Variants in DLC1 observed in about 807,000 individuals in gnomAD.
DLC1 encodes rho GTPase-activating protein 7.
A neutral mutation model predicts 140.3 loss-of-function variants in DLC1; 54 were observed. The ratio of observed to expected loss-of-function variants is 0.38; its 90% CI spans 0.31 to 0.48. The LOEUF is 0.48. Among genes scored for constraint, DLC1 ranks in the 20% least tolerant of loss-of-function variants. DLC1 has a pLI of 0.96. For synonymous variants in DLC1, 986 were observed against 728.1 expected, an observed-to-expected ratio of 1.35 and a Z score of -5.70; for missense variants, 2,536 against 1,907.0, an observed-to-expected ratio of 1.33 and a Z score of -6.14.
intron 15 of DLC1, 71 bp from the exon 16 acceptor site, chr8:13,088,775 G>C: frequency 7.3e-7 from 1 of 1,366,562 alleles, no homozygotes; most frequent in South Asian, 1.2e-5. Context: ...CGAATTGTTA[G>C]TTAGACTAAC....
chr8:13,122,802 G>GAAA (rs34886200), intron 5 of DLC1, among the ~76,000 whole-genome samples: 1,605 of 120,640 alleles, frequency 0.013, 45 homozygotes, highest in African/African-American at 0.042. Context: ...TGCATAGTCT[G>GAAA]AAAAAAAAAA....
chr8:13,520,439 C>A (rs1006292584), intron 1 of DLC1, among the ~76,000 whole-genome samples: 1 of 151,714 alleles, frequency 6.6e-6, no homozygotes, highest in Admixed American at 6.6e-5. Context: ...CTCACGGACA[C>A]AGGGAGGGGA....
intron 5 of DLC1, among the ~76,000 whole-genome samples, chr8:13,191,020 G>C (rs988139970): frequency 2.0e-5 from 3 of 151,650 alleles, no homozygotes; most frequent in African/African-American, 7.3e-5. Context: ...TTATATTGGG[G>C]GTGAGATAGA....
intron 4 of DLC1, among the ~76,000 whole-genome samples, chr8:13,377,879 C>T (rs1836073189): frequency 6.6e-6 from 1 of 151,364 alleles, no homozygotes; most frequent in Admixed American, 6.6e-5. Context: ...ATAATTTGAC[C>T]AGAAGATGGC....
At chr8:13,166,513 G>A (rs1251964236) in intron 5 of DLC1, among the ~76,000 whole-genome samples, 2 of 151,970 alleles carry the variant, frequency 1.3e-5, no homozygotes, top group East Asian at 3.9e-4. Flanking sequence ...GCTAATTTTT[G>A]CATTTTTAGT....
chr8:13,570,247 G>C, intron 1 of DLC1, among the ~76,000 whole-genome samples: 1 of 150,266 alleles, frequency 6.7e-6, no homozygotes, highest in South Asian at 2.1e-4. Context: ...GAGCTCTTTT[G>C]TGTCACTATG....
chr8:13,580,954 T>A (rs1805072772), intron 1 of DLC1, among the ~76,000 whole-genome samples: 1 of 152,198 alleles, frequency 6.6e-6, no homozygotes, highest in Non-Finnish European at 1.5e-5. Flanking sequence ...GATTTGAGCT[T>A]CCCACCAGTA....
rs939401988 is a variant in DLC1, at chr8:13,100,549, G to T, written c.1788C>A (p.Ser596Arg). 3 of 1,613,194 alleles carry T rather than the reference G, an allele frequency of 1.9e-6. No homozygotes were observed. The highest frequency in any genetic ancestry group is 2.7e-5 in the African/African-American group (2 of 75,050). ...TGGGGAGGCTGCCAGTGCTGCTGAGGCTGCGGACGGAAGACACCTCCTGGC... is the reference window on the plus strand; with the variant it reads ...TGGGGAGGCTGCCAGTGCTGCTGAGTCTGCGGACGGAAGACACCTCCTGGC... The part of the protein sequence containing the change: ...SERQEVSSVR[S>R]LSSTGSLPSH... Residue 596 changes from serine to arginine, a missense_variant, in exon 9 of 18, where the codon AGC becomes AGA. Coordinates refer to ENST00000276297, the MANE Select transcript of DLC1 (RefSeq NM_182643.3).
At chr8:13,116,124 G>A in intron 5 of DLC1, 1 of 983,400 alleles carries the variant, frequency 1.0e-6, no homozygotes, top group East Asian at 1.1e-4. Context: ...CCCAGGGGTT[G>A]GGTGTTTCAA....
At position 13,377,466 on chromosome 8, in the gene DLC1, A is replaced by G. The variant is rs1836051090; in HGVS notation, c.1314+16087T>C. 2.0e-5 allele frequency among the ~76,000 whole-genome samples: 3 copies of G among 152,316 alleles called. No individual in the cohort carries two copies. The South Asian group carries it at 6.2e-4, about 32-fold the overall frequency. On this transcript the variant is annotated intron_variant, in intron 4 of 17. Coordinates refer to ENST00000276297, the MANE Select transcript of DLC1 (RefSeq NM_182643.3). ...TCAATAACGGCTTTTATAAACTACT[A>G]TAAACATACTCTTTCAAGGTGAGTA...
chr8:13,563,726 A>G (rs1804326991), intron 1 of DLC1, among the ~76,000 whole-genome samples: 2 of 152,222 alleles, frequency 1.3e-5, no homozygotes, highest in Non-Finnish European at 2.9e-5. Flanking sequence ...TATCCTAAAC[A>G]TATAGCTAGA....
chr8:13,302,119 T>G (rs1362348037), intron 5 of DLC1, among the ~76,000 whole-genome samples: 1 of 152,240 alleles, frequency 6.6e-6, no homozygotes, highest in African/African-American at 2.4e-5. Flanking sequence ...AGAAGGCACA[T>G]TCTCATCCAG....
At chr8:13,439,357 G>A (rs1839258380) in intron 2 of DLC1, among the ~76,000 whole-genome samples, 1 of 152,030 alleles carries the variant, frequency 6.6e-6, no homozygotes, top group Non-Finnish European at 1.5e-5. Flanking sequence ...AACAGGCAGA[G>A]GGTCGATTTG....
intron 2 of DLC1, among the ~76,000 whole-genome samples, chr8:13,424,731 C>T (rs1024681899): frequency 3.3e-5 from 5 of 152,044 alleles, no homozygotes; most frequent in South Asian, 2.1e-4. Context: ...CACCACCTCG[C>T]TTGGCTAATT....
At chr8:13,578,427 A>G (rs1485035656) in intron 1 of DLC1, among the ~76,000 whole-genome samples, 1 of 152,162 alleles carries the variant, frequency 6.6e-6, no homozygotes, top group African/African-American at 2.4e-5. Context: ...TCTGCAGTGG[A>G]TACAAACTGG....
chr8:13,329,777 C>T (rs946029539), intron 4 of DLC1, among the ~76,000 whole-genome samples: 1 of 152,146 alleles, frequency 6.6e-6, no homozygotes, highest in Non-Finnish European at 1.5e-5. Flanking sequence ...TCCTTAAGAA[C>T]AGGAGCTGTG....
intron 15 of DLC1, among the ~76,000 whole-genome samples, chr8:13,089,522 G>C (rs1174343575): frequency 6.6e-6 from 1 of 152,138 alleles, no homozygotes; most frequent in African/African-American, 2.4e-5. Context: ...CTACTCGGGA[G>C]GCTGAGGCAA....
chr8:13,195,219 C>T (rs1585886494), intron 5 of DLC1, among the ~76,000 whole-genome samples: 1 of 152,254 alleles, frequency 6.6e-6, no homozygotes, highest in East Asian at 1.9e-4. Flanking sequence ...CCAAATTTAT[C>T]ACCAATTAGC....
intron 1 of DLC1, among the ~76,000 whole-genome samples, chr8:13,552,071 C>T (rs1200110037): frequency 2.6e-5 from 3 of 113,428 alleles, no homozygotes; most frequent in Non-Finnish European, 5.4e-5. Context: ...ATATATATAC[C>T]TCTTTCTCTC....
Sources: gnomAD v4.1 joint callset for allele counts (sites outside exome capture counted in the v4.1 genomes callset) on GRCh38, gnomAD v4.1.1 for gene constraint, MANE v1.5 for transcripts, NCBI Gene and HGNC (gene_info 2026-07-23, HGNC 2026-07-21) for gene names.